PCDH11X: variants seen among roughly 807,000 people sequenced by gnomAD.
PCDH11X encodes protocadherin 11 X-linked, also known as protocadherin-11 X-linked.
In PCDH11X, 18 loss-of-function variants were observed where a neutral mutation model predicts 53.3. The observed-to-expected ratio is 0.34, with a 90% CI of 0.23 to 0.50. The LOEUF is 0.50. PCDH11X is among the 20% of genes least tolerant of loss of function. The pLI is 0.98. For synonymous variants in PCDH11X, 279 were observed against 393.3 expected (o/e 0.71, Z 3.44); for missense variants, 570 against 1,032.4 (o/e 0.55, Z 6.14).
intron 8 of PCDH11X, among the ~76,000 whole-genome samples, chrX:92,304,668 T>G (rs945440625): frequency 3.6e-5 from 4 of 111,938 alleles, no homozygotes; most frequent in Non-Finnish European, 7.5e-5. Context: ...TTCAGGGACA[T>G]TAAGTAATAT....
In PCDH11X at chrX:91,878,039, G is replaced by A; in HGVS notation, c.1799G>A (p.Gly600Glu). 8.3e-7 allele frequency: 1 copy of A among 1,209,469 alleles called. No individual in the cohort carries two copies. Among genetic ancestry groups the A allele is most frequent in the East Asian group, 3.0e-5 (1 of 33,723 alleles). Residue 600 changes from glycine (G) to glutamate (E), a missense_variant, in exon 6 of 11, where the codon GGA (glycine) becomes GAA (glutamate). Around this residue, in one of 6 missense-constraint regions of PCDH11X, gnomAD observed 226 missense variants for 457.5 expected, o/e 0.49. Transcript: ENST00000682573. ...ATCACTGTAACTGATCCTGATTATG[G>A]AGACAATTCTGCAGTTACGCTCTCC... ...GLITVTDPDYGDNSAVTLSIL... is the reference protein window; with the variant it reads ...GLITVTDPDYEDNSAVTLSIL...
chrX:92,376,285 T>A (rs899408965), intron 8 of PCDH11X, among the ~76,000 whole-genome samples: 15 of 112,009 alleles, frequency 1.3e-4, no homozygotes, highest in African/African-American at 4.5e-4. Context: ...AACTTAGAGT[T>A]TACCCTCTTA....
chrX:91,818,565 C>T (rs1421680373), intron 4 of PCDH11X, among the ~76,000 whole-genome samples: 2 of 109,625 alleles, frequency 1.8e-5, no homozygotes, highest in Non-Finnish European at 3.8e-5. Flanking sequence ...ATTAGCCGGG[C>T]ATGGTGGCAC....
intron 7 of PCDH11X, among the ~76,000 whole-genome samples, chrX:92,250,595 G>GTATATATATATA (rs377269087): frequency 3.0e-5 from 3 of 99,492 alleles, no homozygotes; most frequent in South Asian, 9.2e-4. Context: ...ATGTGTGTAT[G>GTATATATATATA]TATATATATA....
intron 6 of PCDH11X, among the ~76,000 whole-genome samples, chrX:91,996,135 C>CT (rs2062417467): frequency 1.0e-5 from 1 of 97,212 alleles, no homozygotes; most frequent in South Asian, 5.1e-4. Context: ...GCCACCACGC[C>CT]TGGCCTTTTT....
At chrX:92,062,563 G>A (rs923553639) in intron 6 of PCDH11X, among the ~76,000 whole-genome samples, 10 of 111,789 alleles carry the variant, frequency 8.9e-5, no homozygotes, top group African/African-American at 2.9e-4. Context: ...CTCAAAAGAA[G>A]ACATTTATGC....
chrX:91,909,645 C>G (rs1941307092), intron 6 of PCDH11X, among the ~76,000 whole-genome samples: 2 of 104,795 alleles, frequency 1.9e-5, no homozygotes, highest in Admixed American at 1.1e-4. Flanking sequence ...GATTCAAAAT[C>G]TTATCGGCAT....
At chrX:92,287,570 T>C (rs1328177466) in intron 8 of PCDH11X, among the ~76,000 whole-genome samples, 2 of 112,155 alleles carry the variant, frequency 1.8e-5, no homozygotes, top group Non-Finnish European at 3.8e-5. Context: ...GCAACCCTGA[T>C]ACTAGTGTTG....
At chrX:92,467,337 T>G (rs2073175343) in intron 9 of PCDH11X, among the ~76,000 whole-genome samples, 1 of 111,220 alleles carries the variant, frequency 9.0e-6, no homozygotes, top group African/African-American at 3.2e-5. Context: ...ATCTAAGAAT[T>G]TCATGTCTTC....
In PCDH11X at chrX:92,594,713, A is replaced by G. The variant is rs1403243403; in HGVS notation, c.3368-23551A>G. 4.6e-5 allele frequency among the ~76,000 whole-genome samples: 5 copies of G among 108,709 alleles called. No individual in the cohort carries two copies. In the East Asian group the frequency reaches 1.5e-3, roughly 32 times the overall value. 94.4% of individuals were successfully genotyped at this position (108,709 alleles called of 115,157 possible). ...GGAGATTGTGACATTAAAATAGAAGAAAGAACTTCCAAGACTCCCATAGGG... is the reference window on the plus strand; with the variant it reads ...GGAGATTGTGACATTAAAATAGAAGGAAGAACTTCCAAGACTCCCATAGGG... On this transcript the variant is annotated intron_variant, in intron 10 of 10. Coordinates refer to ENST00000682573, the MANE Select transcript of PCDH11X (RefSeq NM_032968.5).
chrX:92,307,829 TA>T (rs758454535), intron 8 of PCDH11X, among the ~76,000 whole-genome samples: 4 of 107,402 alleles, frequency 3.7e-5, no homozygotes, highest in Non-Finnish European at 5.8e-5. Context: ...TTGGAGGACA[TA>T]AAATTAACAT....
chrX:92,265,705 G>A (rs771631901), intron 8 of PCDH11X, among the ~76,000 whole-genome samples: 8 of 110,785 alleles, frequency 7.2e-5, no homozygotes, highest in East Asian at 2.9e-4. Context: ...GTGATACATC[G>A]AGCTTAAGTG....
intron 6 of PCDH11X, among the ~76,000 whole-genome samples, chrX:91,972,892 G>A (rs1239209794): frequency 9.0e-6 from 1 of 111,052 alleles, no homozygotes; most frequent in Non-Finnish European, 1.9e-5. Flanking sequence ...ATTCCTCATG[G>A]ATCTAGAACT....
At chrX:92,096,791 A>T (rs1177073534) in intron 6 of PCDH11X, among the ~76,000 whole-genome samples, 3 of 111,188 alleles carry the variant, frequency 2.7e-5, no homozygotes, top group South Asian at 7.8e-4. Context: ...AATATCTCCC[A>T]TTGGATCACT....
intron 6 of PCDH11X, among the ~76,000 whole-genome samples, chrX:92,066,747 G>A (rs1322524686): frequency 5.4e-5 from 6 of 111,738 alleles, no homozygotes; most frequent in East Asian, 2.8e-4. Context: ...GGCGTCTTTC[G>A]GTTTTTCCAA....
intron 6 of PCDH11X, among the ~76,000 whole-genome samples, chrX:92,111,551 T>C (rs919447298): frequency 6.3e-5 from 7 of 110,565 alleles, no homozygotes; most frequent in African/African-American, 2.3e-4. Context: ...TATAGGAAAT[T>C]TTAAAAAAAC....
chrX:92,285,511 C>A (rs965736974), intron 8 of PCDH11X, among the ~76,000 whole-genome samples: 4 of 110,485 alleles, frequency 3.6e-5, no homozygotes, highest in African/African-American at 1.3e-4. Flanking sequence ...CTTCGGCCTC[C>A]CAAAGTGCTG....
intron 8 of PCDH11X, among the ~76,000 whole-genome samples, chrX:92,336,774 A>T (rs1317004364): frequency 9.0e-6 from 1 of 111,712 alleles, no homozygotes; most frequent in Non-Finnish European, 1.9e-5. Context: ...TCTTTCAGTA[A>T]GAATTTTGAG....
At chrX:92,386,353 C>A (rs778235776) in intron 8 of PCDH11X, among the ~76,000 whole-genome samples, 109 of 111,598 alleles carry the variant, frequency 9.8e-4, no homozygotes, top group African/African-American at 3.5e-3. Context: ...GATGTAAATT[C>A]TTGTGATCTT....
Sources: gnomAD v4.1 joint callset for allele counts (sites outside exome capture counted in the v4.1 genomes callset) on GRCh38, gnomAD v4.1.1 for gene constraint, gnomAD v4.1.1 regional missense constraint, MANE v1.5 for transcripts, NCBI Gene and HGNC (gene_info 2026-07-23, HGNC 2026-07-21) for gene names.